ST6GALNAC3: variants seen among roughly 807,000 people sequenced by gnomAD.
ST6GALNAC3 encodes alpha-N-acetylgalactosaminide alpha-2,6-sialyltransferase 3.
A neutral mutation model predicts 32.7 loss-of-function variants in ST6GALNAC3; 25 were observed. That is an observed-to-expected ratio of 0.76 (90% confidence interval 0.56 to 1.07). ST6GALNAC3 has a LOEUF of 1.07. Ranked by LOEUF, ST6GALNAC3 falls within the 50% of genes least tolerant of loss-of-function variation. The pLI is 0.00. For missense variants in ST6GALNAC3, 355 were observed against 382.4 expected (o/e 0.93, Z 0.60); for synonymous variants, 129 against 133.1 (o/e 0.97, Z 0.21).
chr1:76,420,480 A>G (rs138499792), intron 3 of ST6GALNAC3, among the ~76,000 whole-genome samples: 4 of 152,220 alleles, frequency 2.6e-5, no homozygotes, highest in African/African-American at 7.2e-5. Flanking sequence ...TTGAACAACA[A>G]CACATGTCCT....
chr1:76,494,378 G>C (rs964745018), intron 3 of ST6GALNAC3, among the ~76,000 whole-genome samples: 3 of 144,788 alleles, frequency 2.1e-5, no homozygotes, highest in African/African-American at 7.6e-5. Flanking sequence ...TATTTATTGA[G>C]TGTATATTAG....
intron 2 of ST6GALNAC3, among the ~76,000 whole-genome samples, chr1:76,370,448 G>A (rs1051715689): frequency 2.0e-5 from 3 of 152,058 alleles, no homozygotes; most frequent in South Asian, 4.1e-4. Flanking sequence ...TCATTTGAAA[G>A]GATCATTCCC....
chr1:76,502,020 C>T (rs1363039977), intron 3 of ST6GALNAC3, among the ~76,000 whole-genome samples: 2 of 152,166 alleles, frequency 1.3e-5, no homozygotes, highest in African/African-American at 4.8e-5. Context: ...ACTTTCAAAG[C>T]CTTGAGACAA....
intron 3 of ST6GALNAC3, among the ~76,000 whole-genome samples, chr1:76,574,709 A>G (rs1373781146): frequency 6.6e-6 from 1 of 152,114 alleles, no homozygotes; most frequent in Non-Finnish European, 1.5e-5. Context: ...TCAAAGTTCA[A>G]ATTGCCAGAA....
At chr1:76,478,529 A>G (rs1448257138) in intron 3 of ST6GALNAC3, among the ~76,000 whole-genome samples, 3 of 152,216 alleles carry the variant, frequency 2.0e-5, no homozygotes, top group African/African-American at 7.2e-5. Flanking sequence ...GGAGACTTCA[A>G]TTCCTCACTG....
At chr1:76,410,295 G>GT (rs968080640) in intron 2 of ST6GALNAC3, among the ~76,000 whole-genome samples, 2 of 151,998 alleles carry the variant, frequency 1.3e-5, no homozygotes, top group Non-Finnish European at 2.9e-5. Context: ...ATTTGCATTG[G>GT]TTTTTGCATT....
At chr1:76,405,048 AAGAT>A (rs1653721958) in intron 2 of ST6GALNAC3, among the ~76,000 whole-genome samples, 4 of 152,124 alleles carry the variant, frequency 2.6e-5, no homozygotes, top group African/African-American at 7.2e-5. Flanking sequence ...CTAAAGTAGA[AAGAT>A]AGATTAGAGC....
chr1:76,535,491 A>G (rs899441893), intron 3 of ST6GALNAC3, among the ~76,000 whole-genome samples: 2 of 152,190 alleles, frequency 1.3e-5, no homozygotes, highest in Admixed American at 1.3e-4. Flanking sequence ...TATAAGGTGA[A>G]GTAAAGGAAT....
chr1:76,295,832 T>C (rs904022303), intron 1 of ST6GALNAC3, among the ~76,000 whole-genome samples: 3 of 152,112 alleles, frequency 2.0e-5, no homozygotes, highest in Admixed American at 6.5e-5. Flanking sequence ...CAGAATTTTC[T>C]TAGTCTCAGC....
At chr1:76,235,012 G>T (rs17098450) in intron 1 of ST6GALNAC3, among the ~76,000 whole-genome samples, 1 of 152,068 alleles carries the variant, frequency 6.6e-6, no homozygotes, top group East Asian at 1.9e-4. Flanking sequence ...CTACAGAGTC[G>T]CTGGTGGTTA....
At chr1:76,624,840 T>C (rs1195004732) in intron 3 of ST6GALNAC3, among the ~76,000 whole-genome samples, 1 of 151,944 alleles carries the variant, frequency 6.6e-6, no homozygotes, top group African/African-American at 2.4e-5. Context: ...TATATTTTTA[T>C]ATATACCCCA....
rs773283782 is a variant in ST6GALNAC3, at chr1:76,095,790, C to A, written c.18+20906C>A. 7.4e-4 allele frequency among the ~76,000 whole-genome samples: 112 copies of A among 152,198 alleles called. 2 individuals carry two copies. Among genetic ancestry groups the A allele is most frequent in the Middle Eastern group, 3.4e-3 (1 of 292 alleles). On this transcript the variant is annotated intron_variant, in intron 1 of 4. Transcript: ENST00000328299. ...GGGTTTATACACTTTCCTTCCCATC[C>A]TCTCAGTTGTCCTCCCTCATCTCCA...
At chr1:76,278,720 T>C (rs1258733559) in intron 1 of ST6GALNAC3, among the ~76,000 whole-genome samples, 1 of 152,134 alleles carries the variant, frequency 6.6e-6, no homozygotes, top group African/African-American at 2.4e-5. Flanking sequence ...CTACATAATC[T>C]TATTTAATCC....
chr1:76,350,805 G>A (rs1371303153), intron 2 of ST6GALNAC3, among the ~76,000 whole-genome samples: 3 of 152,144 alleles, frequency 2.0e-5, no homozygotes, highest in Non-Finnish European at 4.4e-5. Flanking sequence ...TGGGCTGACA[G>A]TGGTGAAACA....
intron 1 of ST6GALNAC3, among the ~76,000 whole-genome samples, chr1:76,175,039 T>C (rs1309574495): frequency 1.3e-5 from 2 of 152,214 alleles, no homozygotes; most frequent in Non-Finnish European, 2.9e-5. Flanking sequence ...TTCCATTACT[T>C]ACTTAATCTG....
intron 3 of ST6GALNAC3, among the ~76,000 whole-genome samples, chr1:76,575,840 T>A (rs962266818): frequency 6.6e-5 from 10 of 151,994 alleles, no homozygotes; most frequent in East Asian, 1.9e-4. Flanking sequence ...TCTTTTTTTT[T>A]AAATAAGAGC....
At chr1:76,565,089 C>T (rs1665473974) in intron 3 of ST6GALNAC3, among the ~76,000 whole-genome samples, 1 of 152,064 alleles carries the variant, frequency 6.6e-6, no homozygotes, top group African/African-American at 2.4e-5. Flanking sequence ...TCTCTCAGTC[C>T]GGTGTCCAAC....
chr1:76,630,711 A>G lies in ST6GALNAC3; in HGVS notation c.*1905A>G, dbSNP rs970909131. ...TCTCTTCTGCAATTTTGACACCTCA[A>G]TATTCACACCCATAAACATTACTAA... On this transcript the variant is annotated 3_prime_UTR_variant, in exon 5 of 5. Coordinates refer to ENST00000328299, the MANE Select transcript of ST6GALNAC3 (RefSeq NM_152996.4). The G allele has an allele frequency of 8.0e-5, 79 of 985,560 alleles. No individual in the cohort carries two copies. In the African/African-American group the frequency reaches 1.2e-3, roughly 14 times the overall value. The allele number at this position is 985,560 out of a possible 1,614,324, so 61.1% of individuals were successfully genotyped here.
At chr1:76,624,252 G>A (rs1292150315) in intron 3 of ST6GALNAC3, among the ~76,000 whole-genome samples, 1 of 151,940 alleles carries the variant, frequency 6.6e-6, no homozygotes, top group East Asian at 1.9e-4. Flanking sequence ...AGGTCCTAAA[G>A]GAATCAAGTA....
Sources: allele counts gnomAD v4.1 joint callset (sites outside exome capture counted in the v4.1 genomes callset), GRCh38; gene constraint gnomAD v4.1.1; transcripts MANE v1.5; gene names NCBI Gene and HGNC (gene_info 2026-07-23, HGNC 2026-07-21).